The following BCAN variants were observed in gnomAD, a reference collection of about 807,000 sequenced individuals.
BCAN encodes the protein brevican, also known as brevican core protein.
BCAN carries 51 observed loss-of-function variants against 92.4 expected under a neutral mutation model. That is an observed-to-expected ratio of 0.55 (90% CI 0.44 to 0.70). The LOEUF is 0.70. Ranked by LOEUF, BCAN falls within the 30% of genes least tolerant of loss-of-function variation. The pLI is 0.00. For synonymous variants in BCAN, 501 were observed against 505.2 expected (o/e 0.99, Z 0.11); for missense variants, 1,140 against 1,212.1 (o/e 0.94, Z 0.88).
intron 10 of BCAN, 180 bp downstream of exon 10, chr1:156,657,276 C>T (rs1419126840): frequency 3.1e-5 from 29 of 931,694 alleles, no homozygotes; most frequent in Non-Finnish European, 2.8e-5. Context: ...TACGCTTAGG[C>T]AGTGGCCTTC....
At chr1:156,657,552 G>A (rs1679376442) in intron 10 of BCAN, 123 bp from the exon 11 acceptor site, 3 of 733,652 alleles carry the variant, frequency 4.1e-6, no homozygotes, top group South Asian at 1.8e-5. Context: ...AGAAGAACCC[G>A]ACAAGGGCGG....
At chr1:156,657,998 C>A in intron 11 of BCAN, 129 bp from the exon 12 acceptor site, 2 of 1,120,874 alleles carry the variant, frequency 1.8e-6, no homozygotes, top group Non-Finnish European at 2.5e-6. Flanking sequence ...CCCGGGAGAT[C>A]CCCTACCCCC....
rs1236022002 is a variant in BCAN, at chr1:156,656,324, TGGA to T, written c.1995_1997del (p.Glu666del). On this transcript the variant is annotated inframe_deletion, in exon 9 of 14. Coordinates refer to ENST00000329117, the MANE Select transcript of BCAN (RefSeq NM_021948.5). Reference sequence around the variant, plus strand: ...CCCTGCCACAATGGTGGGACATGCTTGGAGGAGGAGGAAGGGGTCCGCTGCCTA... The same window carrying T: ...CCCTGCCACAATGGTGGGACATGCTTGGAGGAGGAAGGGGTCCGCTGCCTA... 4 of 1,441,564 alleles carry T rather than the reference TGGA, an allele frequency of 2.8e-6. No individual in the cohort carries two copies. The highest frequency in any genetic ancestry group is 3.6e-6 in the Non-Finnish European group (4 of 1,103,300). The allele number at this position is 1,441,564 out of a possible 1,614,324, so 89.3% of individuals were successfully genotyped here.
chr1:156,648,041 G>A lies in BCAN; in HGVS notation c.700G>A (p.Val234Ile). Residue 234 changes from valine to isoleucine, a missense_variant, in exon 5 of 14, where the codon GTC becomes ATC. Val to Ile is a conservative substitution (Grantham distance 29). This residue lies in a region of BCAN where 29 missense variants were observed against 56.2 expected (regional missense o/e 0.52). Transcript: ENST00000329117. ...CYGDMDGFPG[V>I]RNYGVVDPDD... ...CGGAGACATGGATGGCTTCCCCGGGGTCCGGAACTATGGTGTGGTGGACCC... is the reference window on the plus strand; with the variant it reads ...CGGAGACATGGATGGCTTCCCCGGGATCCGGAACTATGGTGTGGTGGACCC... 6.2e-7 allele frequency: 1 copy of A among 1,614,064 alleles called. No individual in the cohort carries two copies. Among genetic ancestry groups the A allele is most frequent in the Non-Finnish European group, 8.5e-7 (1 of 1,179,986 alleles).
chr1:156,650,081 T>C (rs1679112149), intron 6 of BCAN, among the ~76,000 whole-genome samples: 1 of 151,862 alleles, frequency 6.6e-6, no homozygotes. Context: ...GAAGTAAAAG[T>C]CCATAGGAAG....
At position 156,653,240 on chromosome 1, in the gene BCAN, G is replaced by A. The variant is rs2102567741; in HGVS notation, c.1942+348G>A. The A allele has an allele frequency of 2.4e-6, 3 of 1,238,410 alleles. No homozygotes were observed. The South Asian group carries it at 9.2e-5, about 38-fold the overall frequency. 76.7% of individuals were successfully genotyped at this position (1,238,410 alleles called of 1,614,324 possible). On this transcript the variant is annotated intron_variant, in intron 8 of 13. Transcript: ENST00000329117. ...CTCATCACCTATTGCAGCCTTCAGG[G>A]CTCGGCCTATTTTCCACTACTCCCT... is the stretch of plus-strand genomic sequence containing the variant.
At position 156,659,170 on chromosome 1, in the gene BCAN, G is replaced by C; in HGVS notation, c.*36G>C. The C allele has an allele frequency of 6.7e-7, 1 of 1,482,318 alleles. No individual in the cohort carries two copies. Among genetic ancestry groups the C allele is most frequent in the Non-Finnish European group, 9.0e-7 (1 of 1,105,800 alleles). 91.8% of individuals were successfully genotyped at this position (1,482,318 alleles called of 1,614,324 possible). The stretch of plus-strand genomic sequence containing the variant: ...CTTGAACACTGCCGGCCACAGCACT[G>C]CCCTGTCACCCAAATTTTCCCTCAC... On this transcript the variant is annotated 3_prime_UTR_variant, in exon 14 of 14. Coordinates refer to ENST00000329117, the MANE Select transcript of BCAN (RefSeq NM_021948.5).
intron 2 of BCAN, chr1:156,646,427 C>G (rs1356933902): frequency 6.0e-6 from 3 of 500,810 alleles, no homozygotes; most frequent in Non-Finnish European, 1.1e-5. Context: ...TGGGAGAAAC[C>G]CTGAAGGAGG....
rs1232201630 is a variant in BCAN at position 156,656,276 on chromosome 1, T to C, written c.1943-6T>C. The stretch of plus-strand genomic sequence containing the variant: ...TCCCCCCGCCTCACTTCTTTCCCCC[T>C]CTCAGGTGACTGTGTCCCCAGCCCC... On this transcript the variant is annotated splice_polypyrimidine_tract_variant and splice_region_variant and intron_variant, in intron 8 of 13. Coordinates refer to ENST00000329117, the MANE Select transcript of BCAN (RefSeq NM_021948.5). 2.0e-6 allele frequency: 3 copies of C among 1,473,418 alleles called. No individual in the cohort carries two copies. The African/African-American group carries it at 4.4e-5, about 22-fold the overall frequency. 91.3% of individuals were successfully genotyped at this position (1,473,418 alleles called of 1,614,324 possible). A position where few individuals can be genotyped will look rare whatever the true frequency, so the allele number is the denominator to read the frequency against.
rs753760220 is a variant in BCAN, at chr1:156,652,581, C to T, written c.1631C>T (p.Pro544Leu). 6.2e-6 allele frequency: 10 copies of T among 1,614,098 alleles called. No homozygotes were observed. The highest frequency in any genetic ancestry group is 3.3e-5 in the Admixed American group (2 of 60,008). ...CATGGACCACCTACTGAGACTCTGCCCACTCCCAGGGAGAGGAACCTAGCA... is the reference window on the plus strand; with the variant it reads ...CATGGACCACCTACTGAGACTCTGCTCACTCCCAGGGAGAGGAACCTAGCA... ...RVHGPPTETL[P>L]TPRERNLASP... is the part of the protein sequence containing the mutation. The change falls in exon 8 of 14, where the codon CCC (proline) becomes CTC (leucine). Residue 544 changes from proline to leucine, a missense_variant. This residue lies in a region of BCAN where 825 missense variants were observed against 871.8 expected (regional missense o/e 0.95). Transcript: ENST00000329117.
Position 156,646,817 on chromosome 1 carries a change from C to G in BCAN, c.108C>G (p.Arg36=). 6.4e-7 allele frequency: 1 copy of G among 1,567,652 alleles called. No individual in the cohort carries two copies. Among genetic ancestry groups the G allele is most frequent in the East Asian group, 2.3e-5 (1 of 44,132 alleles). The change falls in exon 3 of 14, where the codon CGC becomes CGG. Residue 36 remains arginine, a synonymous_variant. Coordinates refer to ENST00000329117, the MANE Select transcript of BCAN (RefSeq NM_021948.5). ...CGTTCACAGAGGACCGCGCTTTTCGCGTGCGCATCGCGGGCGACGCGCCAC... is the reference window on the plus strand; with the variant it reads ...CGTTCACAGAGGACCGCGCTTTTCGGGTGCGCATCGCGGGCGACGCGCCAC... ...EGDSSEDRAF[R]VRIAGDAPLQ...
In BCAN at chr1:156,659,160, C is replaced by A. The variant is rs533190083; in HGVS notation, c.*26C>A. On this transcript the variant is annotated 3_prime_UTR_variant, in exon 14 of 14. Transcript: ENST00000329117. ...GGGGCAAGGCCTTGAACACTGCCGG[C>A]CACAGCACTGCCCTGTCACCCAAAT... 2 of 1,519,372 alleles carry A rather than the reference C, an allele frequency of 1.3e-6. No individual in the cohort carries two copies. The highest frequency in any genetic ancestry group is 1.2e-5 in the South Asian group (1 of 82,272). 94.1% of individuals were successfully genotyped at this position (1,519,372 alleles called of 1,614,324 possible). A position where few individuals can be genotyped will look rare whatever the true frequency, so the allele number is the denominator to read the frequency against.
intron 8 of BCAN, among the ~76,000 whole-genome samples, chr1:156,653,701 C>T (rs1206177588): frequency 1.3e-5 from 2 of 152,186 alleles, no homozygotes; most frequent in Non-Finnish European, 2.9e-5. Context: ...CCTGTCTACA[C>T]TTTCCTTCCT....
rs1302433204 is a variant in BCAN at position 156,651,682 on chromosome 1, G to A, written c.1290G>A (p.Thr430=). Residue 430 remains threonine (T), a synonymous_variant, in exon 7 of 14, where the codon ACG becomes ACA. Coordinates refer to ENST00000329117, the MANE Select transcript of BCAN (RefSeq NM_021948.5). The part of the protein sequence containing the change: ...TPEDPAEAPR[T]LLEFETQSMV... ...AAGACCCAGCAGAGGCCCCTAGGAC[G>A]CTCCTAGGTAAGTCGGATCCCTTAT... 11 of 1,606,298 alleles carry A rather than the reference G, an allele frequency of 6.8e-6. No individual in the cohort carries two copies. The highest frequency in any genetic ancestry group is 1.7e-5 in the Admixed American group (1 of 58,830).
chr1:156,643,258 A>C (rs1313401829), intron 1 of BCAN: 1 of 152,248 alleles, frequency 6.6e-6, no homozygotes, highest in Non-Finnish European at 1.5e-5. Context: ...TCCACATTTC[A>C]GATTCTATAC....
intron 13 of BCAN, 25 bp from the exon 14 acceptor site, chr1:156,659,002 G>A (rs1370792077): frequency 1.3e-6 from 2 of 1,562,838 alleles, no homozygotes; most frequent in East Asian, 2.3e-5. Flanking sequence ...AGCCAGGGTG[G>A]AGGGTGAGTG....
At position 156,652,666 on chromosome 1, in the gene BCAN, T is replaced by G; in HGVS notation, c.1716T>G (p.Pro572=). The G allele has an allele frequency of 6.2e-7, 1 of 1,613,326 alleles. No individual in the cohort carries two copies. The highest frequency in any genetic ancestry group is 8.5e-7 in the Non-Finnish European group (1 of 1,179,548). Residue 572 remains proline, a synonymous_variant, in exon 8 of 14, where the codon CCT becomes CCG. Coordinates refer to ENST00000329117, the MANE Select transcript of BCAN (RefSeq NM_021948.5). The part of the protein sequence containing the change: ...AREVGEATGG[P]ELSGVPRGES... ...AGGTGGGGGAGGCAACTGGTGGTCC[T>G]GAGCTATCTGGGGTCCCTCGAGGAG...
chr1:156,648,839 C>A lies in BCAN; in HGVS notation c.1041C>A (p.Arg347=). 1 of 1,573,708 alleles carries A rather than the reference C, an allele frequency of 6.4e-7. No homozygotes were observed. Residue 347 remains arginine (R), a synonymous_variant, in exon 6 of 14, where the codon CGC becomes CGA. Transcript: ENST00000329117. ...NQTGFPNKHS[R]FNVYCFRDSA... ...CTGGCTTCCCCAATAAGCACAGCCG[C>A]TTCAACGTCTACTGCTTCCGAGGTG...
At position 156,646,673 on chromosome 1, in the gene BCAN, C is replaced by T. The variant is rs541002514; in HGVS notation, c.92-128C>T. On this transcript the variant is annotated intron_variant, in intron 2 of 13. Coordinates refer to ENST00000329117, the MANE Select transcript of BCAN (RefSeq NM_021948.5). Reference sequence around the variant, plus strand: ...GGACCCTGGCCCCTGGCCCCTGGCCCCTGGTCCTAGGGGGGCCGGGGAATC... The same window carrying T: ...GGACCCTGGCCCCTGGCCCCTGGCCTCTGGTCCTAGGGGGGCCGGGGAATC... 1,279 of 1,431,664 alleles carry T rather than the reference C, an allele frequency of 8.9e-4. 10 individuals are homozygous for T. In the African/African-American group the frequency reaches 0.017, roughly 19 times the overall value. 88.7% of individuals were successfully genotyped at this position (1,431,664 alleles called of 1,614,324 possible).
Sources: gnomAD v4.1 joint callset for allele counts (sites outside exome capture counted in the v4.1 genomes callset) on GRCh38, gnomAD v4.1.1 for gene constraint, gnomAD v4.1.1 regional missense constraint, MANE v1.5 for transcripts, NCBI Gene and HGNC (gene_info 2026-07-23, HGNC 2026-07-21) for gene names.